Variants in PSTPIP2 observed in about 807,000 individuals in gnomAD.
The protein encoded by PSTPIP2 is proline-serine-threonine phosphatase-interacting protein 2.
PSTPIP2 carries 33 observed loss-of-function variants against 63.3 expected under a neutral mutation model. That is an observed-to-expected ratio of 0.52 (90% confidence interval 0.40 to 0.70). The LOEUF is 0.70. PSTPIP2 is among the 30% of genes least tolerant of loss of function. The probability of loss-of-function intolerance (pLI) is 0.00; values close to 1 mark genes in which losing one functional copy is unlikely to be tolerated. For synonymous variants in PSTPIP2, 125 were observed against 132.7 expected (o/e 0.94, Z 0.40); for missense variants, 312 against 400.7 (o/e 0.78, Z 1.89).
chr18:46,047,231 C>T (rs1307704875), intron 1 of PSTPIP2, among the ~76,000 whole-genome samples: 2 of 152,108 alleles, frequency 1.3e-5, no homozygotes, highest in Admixed American at 6.5e-5. Context: ...TGAGGTACAA[C>T]CAAACGGATC....
rs143568986 is a variant in PSTPIP2 at position 46,063,072 on chromosome 18, G to A, written c.33+9084C>T. 7.3e-3 allele frequency among the ~76,000 whole-genome samples: 1,118 copies of A among 152,218 alleles called. 12 individuals are homozygous for A. Among genetic ancestry groups the A allele is most frequent in the Non-Finnish European group, 9.6e-3 (654 of 68,020 alleles). On this transcript the variant is annotated intron_variant, in intron 1 of 14. Coordinates refer to ENST00000409746, the MANE Select transcript of PSTPIP2 (RefSeq NM_024430.4). ...GGTTGCAGTGCAGTGGTGTAATCAC[G>A]GCTCGCTGCAGCTTCAACCGCATGG...
intron 1 of PSTPIP2, among the ~76,000 whole-genome samples, chr18:46,045,997 T>C (rs1156242532): frequency 6.6e-6 from 1 of 152,230 alleles, no homozygotes; most frequent in Non-Finnish European, 1.5e-5. Flanking sequence ...AAACAGTATG[T>C]ACCTTTCTGA....
rs1388032617 is a variant in PSTPIP2, at chr18:45,984,250, C to T, written c.*1209G>A. 1.3e-5 allele frequency: 2 copies of T among 152,234 alleles called. No homozygotes were observed. Among genetic ancestry groups the T allele is most frequent in the East Asian group, 1.9e-4 (1 of 5,196 alleles). The allele number at this position is 152,234 out of a possible 1,614,324, so 9.4% of individuals were successfully genotyped here. A position where few individuals can be genotyped will look rare whatever the true frequency, so the allele number is the denominator to read the frequency against. On this transcript the variant is annotated 3_prime_UTR_variant, in exon 15 of 15. Coordinates refer to ENST00000409746, the MANE Select transcript of PSTPIP2 (RefSeq NM_024430.4). ...ACAGAGCAGGAGAGGAAACTATTTG[C>T]TCTCTGTAATACTGAAAAACTGAGA...
rs989279283 is a variant in PSTPIP2, at chr18:45,997,770, A to G, written c.621T>C (p.Ser207=). The change falls in exon 9 of 15, where the codon AGT becomes AGC. Residue 207 remains serine (S), a synonymous_variant. Transcript: ENST00000409746. ...GTACCTCGCAGGCCTTGATGTGCTC[A>G]CTCTGCCACTCTTCTCGGACCTTAT... ...TLDKVREEWQ[S]EHIKACEAFE... is the part of the protein sequence containing the mutation. 6.8e-7 allele frequency: 1 copy of G among 1,469,600 alleles called. No homozygotes were observed. The highest frequency in any genetic ancestry group is 1.6e-5 in the African/African-American group (1 of 63,134). 91.0% of individuals were successfully genotyped at this position (1,469,600 alleles called of 1,614,324 possible).
At chr18:46,033,907 G>T (rs1353044775) in intron 2 of PSTPIP2, among the ~76,000 whole-genome samples, 1 of 152,096 alleles carries the variant, frequency 6.6e-6, no homozygotes, top group Non-Finnish European at 1.5e-5. Flanking sequence ...TGGGACTTCT[G>T]GCCTATGGAC....
At chr18:45,998,958 C>A (rs1303724065) in intron 7 of PSTPIP2, 119 bp from the exon 8 acceptor site, 2 of 1,010,324 alleles carry the variant, frequency 2.0e-6, no homozygotes, top group East Asian at 2.4e-5. Context: ...TAGTGCAAGT[C>A]CTGTGTACAT....
intron 1 of PSTPIP2, among the ~76,000 whole-genome samples, chr18:46,055,082 C>T (rs1425473884): frequency 6.6e-5 from 10 of 152,160 alleles, no homozygotes; most frequent in African/African-American, 1.4e-4. Context: ...CTACTAAAGT[C>T]GCACTGGTCT....
intron 9 of PSTPIP2, among the ~76,000 whole-genome samples, chr18:45,997,377 C>T (rs2051608236): frequency 6.6e-6 from 1 of 151,996 alleles, no homozygotes; most frequent in Non-Finnish European, 1.5e-5. Context: ...TTAGTAGAGA[C>T]AGGGTTTCAC....
At chr18:45,985,809 CT>C (rs1179554949) in intron 14 of PSTPIP2, among the ~76,000 whole-genome samples, 5 of 148,456 alleles carry the variant, frequency 3.4e-5, no homozygotes, top group African/African-American at 7.6e-5. Flanking sequence ...CAGAGTCTTG[CT>C]GTGTTACCCA....
chr18:46,009,175 T>G (rs2051765816), intron 5 of PSTPIP2, among the ~76,000 whole-genome samples: 1 of 152,068 alleles, frequency 6.6e-6, no homozygotes, highest in African/African-American at 2.4e-5. Flanking sequence ...GACCATACCA[T>G]GAACTTCTGG....
At chr18:46,008,500 C>T (rs1412312426) in intron 5 of PSTPIP2, among the ~76,000 whole-genome samples, 1 of 150,838 alleles carries the variant, frequency 6.6e-6, no homozygotes, top group Non-Finnish European at 1.5e-5. Flanking sequence ...TTAGTAGAGA[C>T]GGGGTTTTGC....
intron 2 of PSTPIP2, among the ~76,000 whole-genome samples, chr18:46,026,184 A>G (rs1907572208): frequency 1.3e-5 from 2 of 152,218 alleles, no homozygotes; most frequent in South Asian, 4.1e-4. Context: ...ACTTCCACAA[A>G]AAGTGTACAG....
intron 2 of PSTPIP2, among the ~76,000 whole-genome samples, chr18:46,035,174 C>T (rs1907923338): frequency 6.6e-6 from 1 of 152,190 alleles, no homozygotes; most frequent in East Asian, 1.9e-4. Context: ...GTAATCCCAG[C>T]ACCTTGGGAG....
At chr18:45,985,527 T>G in intron 14 of PSTPIP2, 77 bp from the exon 15 acceptor site, 1 of 1,484,858 alleles carries the variant, frequency 6.7e-7, no homozygotes, top group Non-Finnish European at 9.3e-7. Flanking sequence ...GAGAGTATAT[T>G]CAACAAGAAT....
chr18:45,997,720 AGT>A, intron 9 of PSTPIP2, 27 bp downstream of exon 9: 1 of 169,464 alleles, frequency 5.9e-6, no homozygotes, highest in Non-Finnish European at 1.1e-5. Flanking sequence ...CACCCACCCC[AGT>A]CCTGAGCAGC....
intron 1 of PSTPIP2, among the ~76,000 whole-genome samples, chr18:46,063,112 T>G (rs1216852949): frequency 6.6e-6 from 1 of 152,158 alleles, no homozygotes; most frequent in African/African-American, 2.4e-5. Context: ...AAGTGATCCT[T>G]CTGCCTCAGC....
chr18:45,999,391 A>G (rs917907740), intron 7 of PSTPIP2, 45 bp downstream of exon 7: 48 of 1,561,090 alleles, frequency 3.1e-5, no homozygotes. Flanking sequence ...TTAGCCTGAC[A>G]TAGGTCAGTC....
At chr18:46,045,974 G>A (rs1354979553) in intron 1 of PSTPIP2, among the ~76,000 whole-genome samples, 2 of 152,194 alleles carry the variant, frequency 1.3e-5, no homozygotes, top group Non-Finnish European at 2.9e-5. Flanking sequence ...TTCTTTTGAA[G>A]CTACGGTAAT....
chr18:46,030,046 G>A (rs375215536), intron 2 of PSTPIP2, among the ~76,000 whole-genome samples: 22 of 152,208 alleles, frequency 1.4e-4, no homozygotes, highest in African/African-American at 5.1e-4. Context: ...CCCAGGAGGC[G>A]GAGGTTGTGG....
Sources: gnomAD v4.1 joint callset for allele counts (sites outside exome capture counted in the v4.1 genomes callset) on GRCh38, gnomAD v4.1.1 for gene constraint, MANE v1.5 for transcripts, NCBI Gene and HGNC (gene_info 2026-07-23, HGNC 2026-07-21) for gene names.